Variants in PRKN observed in about 807,000 individuals in gnomAD.
The protein encoded by PRKN is parkin RBR E3 ubiquitin protein ligase.
PRKN carries 56 observed loss-of-function variants against 59.5 expected under a neutral mutation model. That is an observed-to-expected ratio of 0.94 (90% CI 0.76 to 1.18). The LOEUF (loss-of-function observed/expected upper bound fraction) is 1.18. PRKN is among the 50% of genes most tolerant of loss of function. The pLI is 0.00. For missense variants in PRKN, 657 were observed against 596.4 expected (o/e 1.10, Z -1.06); for synonymous variants, 250 against 222.1 (o/e 1.13, Z -1.12).
chr6:162,229,863 T>C (rs1190566946), intron 3 of PRKN, among the ~76,000 whole-genome samples: 1 of 152,198 alleles, frequency 6.6e-6, no homozygotes, highest in African/African-American at 2.4e-5. Context: ...CTAGCTCAAA[T>C]TATATAGCAA....
chr6:162,327,752 G>A (rs2128123787), intron 2 of PRKN, among the ~76,000 whole-genome samples: 1 of 152,298 alleles, frequency 6.6e-6, no homozygotes, highest in Non-Finnish European at 1.5e-5. Flanking sequence ...TGAATGGAAA[G>A]TTTTTTTCGG....
chr6:162,316,758 GA>G (rs370731086), intron 2 of PRKN, among the ~76,000 whole-genome samples: 6 of 151,326 alleles, frequency 4.0e-5, no homozygotes, highest in East Asian at 1.9e-4. Flanking sequence ...TGCAAAAGGG[GA>G]AAAAAAACAT....
chr6:161,470,936 G>A lies in PRKN; in HGVS notation c.1083+77918C>T, dbSNP rs980774936. On this transcript the variant is annotated intron_variant, in intron 9 of 11. Coordinates refer to ENST00000366898, the MANE Select transcript of PRKN (RefSeq NM_004562.3). This position sits in a 1 kb window ranked among gnomAD's most constrained non-coding sequence, Gnocchi z 5.1. ...GGGCTGACTCTCCCAGTTCCACTAAGTTCTGGTAAAGAATTCTGAGGGGTC... is the reference window on the plus strand; with the variant it reads ...GGGCTGACTCTCCCAGTTCCACTAAATTCTGGTAAAGAATTCTGAGGGGTC... Among the ~76,000 whole-genome samples the A allele has an allele frequency of 6.6e-6, 1 of 152,204 alleles. No homozygotes were observed. The highest frequency in any genetic ancestry group is 1.5e-5 in the Non-Finnish European group (1 of 68,032).
At position 162,127,904 on chromosome 6, in the gene PRKN, G is replaced by A. The variant is rs574203455; in HGVS notation, c.534+73227C>T. On this transcript the variant is annotated intron_variant, in intron 4 of 11. Coordinates refer to ENST00000366898, the MANE Select transcript of PRKN (RefSeq NM_004562.3). Reference sequence around the variant, plus strand: ...CCTTCACTTGCGGGACTCCAGCTATGGCAGTATGAGAGCTCTGTACTCCTC... The same window carrying A: ...CCTTCACTTGCGGGACTCCAGCTATAGCAGTATGAGAGCTCTGTACTCCTC... Among the ~76,000 whole-genome samples, 3 of 152,272 alleles carry A rather than the reference G, an allele frequency of 2.0e-5. No individual in the cohort carries two copies. In the South Asian group the frequency reaches 6.2e-4, roughly 32 times the overall value.
intron 4 of PRKN, among the ~76,000 whole-genome samples, chr6:162,179,020 T>C (rs975584257): frequency 6.6e-6 from 1 of 152,106 alleles, no homozygotes; most frequent in African/African-American, 2.4e-5. Flanking sequence ...TACAGGTGTG[T>C]GCCACCACAC....
At chr6:162,234,633 C>T (rs1053876301) in intron 3 of PRKN, among the ~76,000 whole-genome samples, 1 of 152,098 alleles carries the variant, frequency 6.6e-6, no homozygotes, top group African/African-American at 2.4e-5. Context: ...AAGGTAAGAG[C>T]TGTGCTAATA....
At chr6:162,687,188 C>CTTT (rs749381380) in intron 1 of PRKN, among the ~76,000 whole-genome samples, 3 of 134,628 alleles carry the variant, frequency 2.2e-5, no homozygotes, top group Non-Finnish European at 3.2e-5. Context: ...GCCTCTTTTT[C>CTTT]TTTTTTTTTT....
Position 161,554,011 on chromosome 6 carries a change from T to C in PRKN, c.934-5008A>G, listed in dbSNP as rs1245605147. Among the ~76,000 whole-genome samples the C allele has an allele frequency of 6.6e-6, 1 of 152,252 alleles. No individual in the cohort carries two copies. Among genetic ancestry groups the C allele is most frequent in the Non-Finnish European group, 1.5e-5 (1 of 68,044 alleles). The stretch of plus-strand genomic sequence containing the variant: ...AAGACCATAAATTGGGTGCTAGGCA[T>C]GTTCAGTGCTCCTAAGTTAGTCATT... On this transcript the variant is annotated intron_variant, in intron 8 of 11. Coordinates refer to ENST00000366898, the MANE Select transcript of PRKN (RefSeq NM_004562.3). The surrounding 1 kb of genome is among the most constrained non-coding windows in gnomAD (Gnocchi z 4.5).
Position 161,694,413 on chromosome 6 carries a change from C to A in PRKN, c.871+91359G>T, listed in dbSNP as rs908146209. ...TGGTACAATATACATAACGTAAATACCCTTTGGGGTTTTTTTTTAAGCAAT... is the reference window on the plus strand; with the variant it reads ...TGGTACAATATACATAACGTAAATAACCTTTGGGGTTTTTTTTTAAGCAAT... On this transcript the variant is annotated intron_variant, in intron 7 of 11. Transcript: ENST00000366898. 2.6e-5 allele frequency among the ~76,000 whole-genome samples: 4 copies of A among 151,984 alleles called. No individual in the cohort carries two copies. The East Asian group carries it at 7.7e-4, about 29-fold the overall frequency.
At chr6:162,285,894 A>T (rs1781165882) in intron 2 of PRKN, among the ~76,000 whole-genome samples, 1 of 152,166 alleles carries the variant, frequency 6.6e-6, no homozygotes, top group Non-Finnish European at 1.5e-5. Flanking sequence ...TACACGACAA[A>T]ATGGTTGATA....
At chr6:161,767,898 G>C (rs1181152096) in intron 7 of PRKN, among the ~76,000 whole-genome samples, 1 of 152,116 alleles carries the variant, frequency 6.6e-6, no homozygotes, top group East Asian at 1.9e-4. Context: ...TATCCCTAGA[G>C]TATCCATGTT....
rs1334975149 is a variant in PRKN at position 161,440,196 on chromosome 6, G to GC, written c.1084-53320dup. Reference sequence around the variant, plus strand: ...TCTCCATCTCCTGACCTCGTGATCCGCCCGTCTCGGCCTCCCAAAGTGCTG... The same window carrying GC: ...TCTCCATCTCCTGACCTCGTGATCCGCCCCGTCTCGGCCTCCCAAAGTGCTG... On this transcript the variant is annotated intron_variant, in intron 9 of 11. Coordinates refer to ENST00000366898, the MANE Select transcript of PRKN (RefSeq NM_004562.3). The surrounding 1 kb of genome is among the most constrained non-coding windows in gnomAD (Gnocchi z 4.1). 1.3e-5 allele frequency among the ~76,000 whole-genome samples: 2 copies of GC among 151,870 alleles called. No homozygotes were observed. Among genetic ancestry groups the GC allele is most frequent in the Non-Finnish European group, 2.9e-5 (2 of 67,986 alleles).
At chr6:161,600,459 C>T (rs960166928) in intron 7 of PRKN, among the ~76,000 whole-genome samples, 4 of 152,158 alleles carry the variant, frequency 2.6e-5, no homozygotes, top group African/African-American at 9.7e-5. Context: ...AGTAGTAGGT[C>T]ATAATAATTA....
At chr6:162,132,185 G>A (rs192412501) in intron 4 of PRKN, among the ~76,000 whole-genome samples, 175 of 152,288 alleles carry the variant, frequency 1.1e-3, no homozygotes, top group Non-Finnish European at 2.0e-3. Context: ...GCTGAGAAGT[G>A]ACTGATGTGA....
intron 5 of PRKN, among the ~76,000 whole-genome samples, chr6:162,049,166 T>C (rs1171393710): frequency 6.6e-6 from 1 of 152,104 alleles, no homozygotes; most frequent in African/African-American, 2.4e-5. Flanking sequence ...ACTAAGATTA[T>C]CTTTAAGGGT....
At chr6:162,690,920 TGACC>T (rs1325557605) in intron 1 of PRKN, among the ~76,000 whole-genome samples, 17 of 152,172 alleles carry the variant, frequency 1.1e-4, no homozygotes, top group African/African-American at 3.9e-4. Flanking sequence ...ATAATTACAG[TGACC>T]TCACTCTTGG....
At chr6:161,608,130 C>T (rs1782351618) in intron 7 of PRKN, among the ~76,000 whole-genome samples, 1 of 152,046 alleles carries the variant, frequency 6.6e-6, no homozygotes, top group African/African-American at 2.4e-5. Context: ...GTCCTGACAG[C>T]CTCAGGAGGA....
At chr6:162,695,931 T>C (rs547468159) in intron 1 of PRKN, among the ~76,000 whole-genome samples, 2 of 152,280 alleles carry the variant, frequency 1.3e-5, no homozygotes, top group African/African-American at 4.8e-5. Context: ...CTACTGATCT[T>C]GGGGCAGTTT....
intron 1 of PRKN, among the ~76,000 whole-genome samples, chr6:162,511,211 T>A (rs1331063837): frequency 6.6e-6 from 1 of 152,114 alleles, no homozygotes; most frequent in Non-Finnish European, 1.5e-5. Flanking sequence ...CTTTTTTTTT[T>A]CTTATCAGGC....
Sources: allele counts gnomAD v4.1 joint callset (sites outside exome capture counted in the v4.1 genomes callset), GRCh38; gene constraint gnomAD v4.1.1; non-coding constraint Gnocchi (gnomAD v3.1); transcripts MANE v1.5; gene names NCBI Gene and HGNC (gene_info 2026-07-23, HGNC 2026-07-21).